The following PRDM11 variants were observed in gnomAD, a reference collection of about 807,000 sequenced individuals.
PRDM11 encodes the protein PR/SET domain 11.
PRDM11 carries 20 observed loss-of-function variants against 97.8 expected under a neutral mutation model. That is an observed-to-expected ratio of 0.20 (90% CI 0.14 to 0.30). The LOEUF is 0.30. Ranked by LOEUF, PRDM11 falls within the 10% of genes least tolerant of loss-of-function variation. The pLI is 1.00. For missense variants in PRDM11, 1,139 were observed against 1,555.2 expected (o/e 0.73, Z 4.50); for synonymous variants, 599 against 637.7 (o/e 0.94, Z 0.91).
In PRDM11 at chr11:45,226,793, A is replaced by G; in HGVS notation, c.2168A>G (p.Glu723Gly). The G allele has an allele frequency of 6.5e-7, 1 of 1,533,970 alleles. No individual in the cohort carries two copies. The change falls in exon 8 of 8, where the codon GAA (glutamate) becomes GGA (glycine). Residue 723 changes from glutamate (E) to glycine (G), a missense_variant. Glu to Gly is a moderately conservative substitution (Grantham distance 98). This residue lies in a region of PRDM11 where 710 missense variants were observed against 1,044.9 expected (regional missense o/e 0.68). Transcript: ENST00000683152. ...GCCTTGGGCATCCGGTTGCAGGATG[A>G]AAAGCCAACTGTTGGCTTGGGTGTA... is the stretch of plus-strand genomic sequence containing the variant. ...FSALGIRLQDEKPTVGLGVDG... is the reference protein window; with the variant it reads ...FSALGIRLQDGKPTVGLGVDG...
chr11:45,227,379 G>A lies in PRDM11; in HGVS notation c.2754G>A (p.Glu918=). 1 of 1,533,984 alleles carries A rather than the reference G, an allele frequency of 6.5e-7. No individual in the cohort carries two copies. Among genetic ancestry groups the A allele is most frequent in the Non-Finnish European group, 8.7e-7 (1 of 1,146,744 alleles). Residue 918 remains glutamate (E), a synonymous_variant, in exon 8 of 8, where the codon GAG becomes GAA. Transcript: ENST00000683152. The surrounding 1 kb of genome is among the most constrained non-coding windows in gnomAD (Gnocchi z 8.0). ...ACAAGATCGAGGAGGCCATCCAGGA[G>A]ATCAGCCGGCTGGCTGACTCCCCGG... The part of the protein sequence containing the change: ...VDDKIEEAIQ[E]ISRLADSPGE...
At chr11:45,164,281 C>A (rs891960971) in intron 1 of PRDM11, among the ~76,000 whole-genome samples, 1 of 152,206 alleles carries the variant, frequency 6.6e-6, no homozygotes, top group African/African-American at 2.4e-5. Flanking sequence ...GAAGCTGAGT[C>A]CAGAAATAGA....
At chr11:45,218,463 G>T (rs893943713) in intron 5 of PRDM11, among the ~76,000 whole-genome samples, 1 of 152,180 alleles carries the variant, frequency 6.6e-6, no homozygotes, top group Non-Finnish European at 1.5e-5. Flanking sequence ...GAATTCTTCT[G>T]TGAATTTTTG....
chr11:45,207,187 G>A (rs1853545637), intron 5 of PRDM11, among the ~76,000 whole-genome samples: 1 of 152,192 alleles, frequency 6.6e-6, no homozygotes, highest in Admixed American at 6.5e-5. Context: ...TTAATCCTGG[G>A]AATCCTCCTT....
At chr11:45,202,987 G>A (rs1319033655) in intron 4 of PRDM11, among the ~76,000 whole-genome samples, 1 of 152,230 alleles carries the variant, frequency 6.6e-6, no homozygotes, top group Admixed American at 6.5e-5. Flanking sequence ...TGTAGGGTAT[G>A]AAGGCTGTGG....
intron 1 of PRDM11, among the ~76,000 whole-genome samples, chr11:45,173,428 C>T (rs780619172): frequency 6.6e-6 from 1 of 152,008 alleles, no homozygotes; most frequent in Non-Finnish European, 1.5e-5. Context: ...TCAAGACCAA[C>T]CTGGTCAACA....
chr11:45,131,049 G>C (rs1801715066), intron 1 of PRDM11, among the ~76,000 whole-genome samples: 1 of 152,062 alleles, frequency 6.6e-6, no homozygotes, highest in Non-Finnish European at 1.5e-5. Flanking sequence ...TCATATAATG[G>C]GGATACCACA....
chr11:45,123,452 TC>T (rs1378431157), intron 1 of PRDM11, among the ~76,000 whole-genome samples: 8 of 113,764 alleles, frequency 7.0e-5, no homozygotes, highest in African/African-American at 1.6e-4. Context: ...GCCTAGGTTT[TC>T]TTCTAGGGTT....
intron 1 of PRDM11, among the ~76,000 whole-genome samples, chr11:45,161,988 G>A (rs1178118162): frequency 6.6e-6 from 1 of 152,236 alleles, no homozygotes; most frequent in Non-Finnish European, 1.5e-5. Context: ...TTTTCATGAG[G>A]CGACCTAATG....
chr11:45,207,984 G>T (rs1853576538), intron 5 of PRDM11, among the ~76,000 whole-genome samples: 1 of 152,202 alleles, frequency 6.6e-6, no homozygotes, highest in Non-Finnish European at 1.5e-5. Flanking sequence ...ACGATGTGGA[G>T]AAATCAAGTT....
At chr11:45,181,950 G>A (rs1852521841) in intron 2 of PRDM11, 65 bp downstream of exon 2, 23 of 1,458,672 alleles carry the variant, frequency 1.6e-5, no homozygotes, top group African/African-American at 1.4e-4. Context: ...GGCTCGGTTG[G>A]TTGGGAACCC....
At chr11:45,155,050 G>A (rs1357124530) in intron 1 of PRDM11, among the ~76,000 whole-genome samples, 6 of 152,182 alleles carry the variant, frequency 3.9e-5, no homozygotes, top group East Asian at 1.9e-4. Flanking sequence ...GCCGGTGGGC[G>A]CCTTCCCCCA....
chr11:45,130,189 A>G (rs1852686967), intron 1 of PRDM11, among the ~76,000 whole-genome samples: 1 of 152,212 alleles, frequency 6.6e-6, no homozygotes, highest in Non-Finnish European at 1.5e-5. Context: ...AAGAAAATAC[A>G]GAATCATATC....
intron 4 of PRDM11, among the ~76,000 whole-genome samples, 170 bp downstream of exon 4, chr11:45,183,293 G>T (rs770545324): frequency 2.2e-4 from 33 of 152,294 alleles, no homozygotes; most frequent in Non-Finnish European, 3.8e-4. Context: ...TGGCTGCAAC[G>T]CTTGGTGTCC....
chr11:45,107,179 G>A (rs1852076487), intron 1 of PRDM11, among the ~76,000 whole-genome samples: 1 of 152,176 alleles, frequency 6.6e-6, no homozygotes, highest in Non-Finnish European at 1.5e-5. Flanking sequence ...GGGTCACCAG[G>A]CAGCCAGGAC....
At position 45,164,987 on chromosome 11, in the gene PRDM11, T is replaced by G. The variant is rs906439164; in HGVS notation, c.-6-16774T>G. 3.7e-4 allele frequency among the ~76,000 whole-genome samples: 56 copies of G among 152,318 alleles called. 2 individuals are homozygous for G. Among genetic ancestry groups the G allele is most frequent in the Admixed American group, 2.0e-3 (31 of 15,300 alleles). On this transcript the variant is annotated intron_variant, in intron 1 of 7. Transcript: ENST00000683152. The stretch of plus-strand genomic sequence containing the variant: ...GTTGGAGTAACAGTTATTTACCGTC[T>G]GCTTATAACTTCACTCACAACAACC...
chr11:45,100,691 G>C (rs1452153180), intron 1 of PRDM11, among the ~76,000 whole-genome samples: 1 of 152,190 alleles, frequency 6.6e-6, no homozygotes, highest in Non-Finnish European at 1.5e-5. Flanking sequence ...ATCCTCAACC[G>C]GGCAGTTCCT....
At chr11:45,211,204 T>C (rs1853720917) in intron 5 of PRDM11, among the ~76,000 whole-genome samples, 1 of 152,200 alleles carries the variant, frequency 6.6e-6, no homozygotes, top group South Asian at 2.1e-4. Context: ...TCTCAGGGGA[T>C]GGCTGCTGTC....
chr11:45,129,205 C>T (rs1852660787), intron 1 of PRDM11, among the ~76,000 whole-genome samples: 1 of 152,132 alleles, frequency 6.6e-6, no homozygotes, highest in Admixed American at 6.5e-5. Flanking sequence ...CATCTTTTAA[C>T]ATAAACTAGT....
Sources: allele counts gnomAD v4.1 joint callset (sites outside exome capture counted in the v4.1 genomes callset), GRCh38; gene constraint gnomAD v4.1.1; regional missense constraint gnomAD v4.1.1; non-coding constraint Gnocchi (gnomAD v3.1); transcripts MANE v1.5; gene names NCBI Gene and HGNC (gene_info 2026-07-23, HGNC 2026-07-21).